Variants in PRKAG2 observed in about 807,000 individuals in gnomAD.
The protein encoded by PRKAG2 is 5'-AMP-activated protein kinase subunit gamma-2.
In PRKAG2, 26 loss-of-function variants were observed where a neutral mutation model predicts 69.6. That is an observed-to-expected ratio of 0.37 (90% confidence interval 0.27 to 0.52). PRKAG2 has a LOEUF of 0.52. Ranked by LOEUF, PRKAG2 falls within the 20% of genes least tolerant of loss-of-function variation. PRKAG2 has a pLI of 0.90. For missense variants in PRKAG2, 557 were observed against 740.0 expected, an observed-to-expected ratio of 0.75 and a Z score of 2.87; for synonymous variants, 293 against 285.0, an observed-to-expected ratio of 1.03 and a Z score of -0.28.
At chr7:151,793,232 C>T (rs1258413251) in intron 1 of PRKAG2, among the ~76,000 whole-genome samples, 3 of 152,172 alleles carry the variant, frequency 2.0e-5, no homozygotes, top group Non-Finnish European at 4.4e-5. Flanking sequence ...AAAGACTCTC[C>T]ACTGCTCTCA....
intron 1 of PRKAG2, among the ~76,000 whole-genome samples, chr7:151,870,111 T>TGATAGATAGATAGATAGATAGATAGATA (rs57003272): frequency 8.3e-6 from 1 of 120,318 alleles, no homozygotes; most frequent in Non-Finnish European, 1.7e-5. Context: ...AAGGTGCAGA[T>TGATAGATAGATAGATAGATAGATAGATA]GATAGATAGA....
chr7:151,733,281 T>C (rs998718393), intron 3 of PRKAG2, among the ~76,000 whole-genome samples: 21 of 152,228 alleles, frequency 1.4e-4, no homozygotes, highest in Admixed American at 1.4e-3. Context: ...GCAGGGGCTA[T>C]GGCCTCTTGC....
intron 4 of PRKAG2, among the ~76,000 whole-genome samples, chr7:151,651,807 G>A (rs758316494): frequency 1.3e-5 from 2 of 152,046 alleles, no homozygotes; most frequent in Admixed American, 6.6e-5. Flanking sequence ...AGCCAAGCAC[G>A]GAAAGACAAG....
intron 3 of PRKAG2, among the ~76,000 whole-genome samples, chr7:151,773,191 A>G (rs188933443): frequency 0.012 from 1,735 of 149,484 alleles, 41 homozygotes; most frequent in African/African-American, 0.041. Flanking sequence ...GGAAGGAAAG[A>G]AAGAAGGAAA....
rs184268337 is a variant in PRKAG2, at chr7:151,573,113, A to G, written c.1006-404T>C. ...GGGCAACAGAGTGAGACTCTGTCTC[A>G]AAAAAAAGAAAGTGAGGTGAGATAT... On this transcript the variant is annotated intron_variant, in intron 8 of 15. Coordinates refer to ENST00000287878, the MANE Select transcript of PRKAG2 (RefSeq NM_016203.4). 1.7e-3 allele frequency among the ~76,000 whole-genome samples: 263 copies of G among 151,350 alleles called. 6 individuals carry two copies. The highest frequency in any genetic ancestry group is 2.0e-3 in the Non-Finnish European group (134 of 67,518).
intron 6 of PRKAG2, among the ~76,000 whole-genome samples, chr7:151,594,928 A>G (rs60032544): frequency 0.022 from 3,403 of 152,176 alleles, 129 homozygotes; most frequent in East Asian, 0.18. Context: ...GGTCCTGAGT[A>G]GCTGGGACTA....
chr7:151,682,658 G>A (rs1171516581), intron 3 of PRKAG2, among the ~76,000 whole-genome samples: 1 of 152,204 alleles, frequency 6.6e-6, no homozygotes, highest in Non-Finnish European at 1.5e-5. Flanking sequence ...CAAGTATGCT[G>A]GGGGTGTTGA....
chr7:151,803,167 A>G (rs2077932449), intron 1 of PRKAG2, among the ~76,000 whole-genome samples: 1 of 152,004 alleles, frequency 6.6e-6, no homozygotes, highest in Non-Finnish European at 1.5e-5. Flanking sequence ...CATGTTGGCC[A>G]GGTTGGTCTC....
chr7:151,683,831 C>T (rs1031998863), intron 3 of PRKAG2, among the ~76,000 whole-genome samples: 3 of 152,226 alleles, frequency 2.0e-5, no homozygotes, highest in East Asian at 3.9e-4. Context: ...CCCTGGGCGG[C>T]GCGAGACCCT....
intron 1 of PRKAG2, among the ~76,000 whole-genome samples, chr7:151,829,308 A>G (rs929375774): frequency 3.9e-5 from 6 of 152,272 alleles, no homozygotes; most frequent in African/African-American, 1.2e-4. Context: ...AATCAAAACC[A>G]CAATGAGACA....
chr7:151,837,885 C>T (rs1240722970), intron 1 of PRKAG2, among the ~76,000 whole-genome samples: 6 of 152,174 alleles, frequency 3.9e-5, no homozygotes, highest in Non-Finnish European at 7.3e-5. Flanking sequence ...GCTTCTCCTC[C>T]GGTAAAGCCG....
chr7:151,814,149 C>T lies in PRKAG2; in HGVS notation c.115-27608G>A, dbSNP rs899208990. 6.6e-6 allele frequency among the ~76,000 whole-genome samples: 1 copy of T among 152,192 alleles called. No individual in the cohort carries two copies. The highest frequency in any genetic ancestry group is 1.5e-5 in the Non-Finnish European group (1 of 68,044). On this transcript the variant is annotated intron_variant, in intron 1 of 15. Coordinates refer to ENST00000287878, the MANE Select transcript of PRKAG2 (RefSeq NM_016203.4). This position sits in a 1 kb window ranked among gnomAD's most constrained non-coding sequence, Gnocchi z 4.8. Reference sequence around the variant, plus strand: ...AGAGGAATGGAGCTGAACACGCCCACACACATACCACCTTCACTAGTGATG... The same window carrying T: ...AGAGGAATGGAGCTGAACACGCCCATACACATACCACCTTCACTAGTGATG...
chr7:151,713,001 G>T (rs1464594073), intron 3 of PRKAG2, among the ~76,000 whole-genome samples: 1 of 152,206 alleles, frequency 6.6e-6, no homozygotes, highest in Non-Finnish European at 1.5e-5. Context: ...GAGCAGAGGG[G>T]CGTGAGCTGG....
chr7:151,720,418 C>T (rs1037877376), intron 3 of PRKAG2, among the ~76,000 whole-genome samples: 4 of 151,668 alleles, frequency 2.6e-5, no homozygotes, highest in Admixed American at 6.6e-5. Flanking sequence ...CTCAGGAGGT[C>T]GGTCTATAGG....
intron 1 of PRKAG2, among the ~76,000 whole-genome samples, chr7:151,798,904 C>A (rs192299226): frequency 1.1e-4 from 17 of 152,234 alleles, no homozygotes; most frequent in Non-Finnish European, 1.8e-4. Context: ...CCTCCCTCCT[C>A]ACCTCTCACC....
chr7:151,629,683 T>G (rs1210389379), intron 5 of PRKAG2, among the ~76,000 whole-genome samples: 1 of 152,186 alleles, frequency 6.6e-6, no homozygotes, highest in Non-Finnish European at 1.5e-5. Flanking sequence ...TATTAGGAAA[T>G]AGAAAAATCT....
At chr7:151,595,566 T>A in intron 5 of PRKAG2, 112 bp from the exon 6 acceptor site, 1 of 789,344 alleles carries the variant, frequency 1.3e-6, no homozygotes, top group Non-Finnish European at 2.1e-6. Flanking sequence ...TACGAAATGT[T>A]TTCCCAGTAT....
chr7:151,689,426 A>G (rs922307605), intron 3 of PRKAG2, among the ~76,000 whole-genome samples: 2 of 152,186 alleles, frequency 1.3e-5, no homozygotes, highest in African/African-American at 4.8e-5. Context: ...CCAGGTGTAC[A>G]GCTCTCAGGG....
chr7:151,640,660 C>T (rs186854988), intron 4 of PRKAG2, among the ~76,000 whole-genome samples: 99 of 150,106 alleles, frequency 6.6e-4, no homozygotes, highest in African/African-American at 2.3e-3. Context: ...CCTTCCCCCA[C>T]CGCCTTCCTT....
Sources: allele counts gnomAD v4.1 joint callset (sites outside exome capture counted in the v4.1 genomes callset), GRCh38; gene constraint gnomAD v4.1.1; non-coding constraint Gnocchi (gnomAD v3.1); transcripts MANE v1.5; gene names NCBI Gene and HGNC (gene_info 2026-07-23, HGNC 2026-07-21).